NHSL2: variants seen among roughly 807,000 people sequenced by gnomAD.
NHSL2 encodes the protein NHS-like protein 2.
NHSL2 carries 27 observed loss-of-function variants against 53.4 expected under a neutral mutation model. That is an observed-to-expected ratio of 0.51 (90% CI 0.37 to 0.70). The LOEUF (loss-of-function observed/expected upper bound fraction) is 0.70, where lower values mean the gene tolerates loss of function less well. Ranked by LOEUF, NHSL2 falls within the 30% of genes least tolerant of loss-of-function variation. The probability of loss-of-function intolerance (pLI) is 0.00; values close to 1 mark genes in which losing one functional copy is unlikely to be tolerated. For missense variants in NHSL2, 892 were observed against 980.1 expected (o/e 0.91, Z 1.20); for synonymous variants, 408 against 404.1 (o/e 1.01, Z -0.12).
chrX:72,012,076 A>G (rs905826973), intron 1 of NHSL2, among the ~76,000 whole-genome samples: 1 of 111,637 alleles, frequency 9.0e-6, no homozygotes, highest in Non-Finnish European at 1.9e-5. Context: ...GCTTTTTCTC[A>G]TCCTCTTAAC....
At chrX:72,010,559 C>T (rs1214909318) in intron 1 of NHSL2, among the ~76,000 whole-genome samples, 1 of 112,392 alleles carries the variant, frequency 8.9e-6, no homozygotes, top group African/African-American at 3.2e-5. Context: ...TCTGTGCATA[C>T]ACAGTTTGGT....
intron 1 of NHSL2, among the ~76,000 whole-genome samples, chrX:72,020,182 T>C (rs1218064528): frequency 1.8e-5 from 2 of 112,772 alleles, no homozygotes; most frequent in African/African-American, 3.2e-5. Flanking sequence ...ATAAAAACTC[T>C]CCGTAATTTC....
intron 1 of NHSL2, among the ~76,000 whole-genome samples, chrX:72,126,362 T>C (rs1421475634): frequency 1.8e-5 from 2 of 111,260 alleles, no homozygotes; most frequent in Non-Finnish European, 3.8e-5. Flanking sequence ...GCTGCAGGGC[T>C]GTGACAGAGC....
chrX:72,134,360 G>A lies in NHSL2; in HGVS notation c.564+142G>A, dbSNP rs2042336319. 13 of 846,570 alleles carry A rather than the reference G, an allele frequency of 1.5e-5. No individual in the cohort carries two copies. The South Asian group carries it at 3.3e-4, about 22-fold the overall frequency. The allele number at this position is 846,570 out of a possible 1,213,427, so 69.8% of individuals were successfully genotyped here. Reference sequence around the variant, plus strand: ...CTGAGGCCCCACTGGGATAGGCCCTGCACAGCAGGTGCCTGGCCTGGTGGC... The same window carrying A: ...CTGAGGCCCCACTGGGATAGGCCCTACACAGCAGGTGCCTGGCCTGGTGGC... On this transcript the variant is annotated intron_variant, in intron 3 of 7. Transcript: ENST00000633930.
intron 1 of NHSL2, among the ~76,000 whole-genome samples, chrX:72,038,130 C>G (rs182110364): frequency 3.7e-4 from 41 of 111,860 alleles, no homozygotes; most frequent in African/African-American, 1.3e-3. Flanking sequence ...AGTCACTTTG[C>G]TTATCTAGGC....
intron 1 of NHSL2, among the ~76,000 whole-genome samples, chrX:72,006,266 C>T (rs780628770): frequency 8.9e-6 from 1 of 112,302 alleles, no homozygotes. Flanking sequence ...AACTGCTTAG[C>T]CTTGCATTCT....
chrX:72,037,256 A>G (rs754726473), intron 1 of NHSL2, among the ~76,000 whole-genome samples: 1 of 111,135 alleles, frequency 9.0e-6, no homozygotes, highest in Non-Finnish European at 1.9e-5. Context: ...CGTCTCTACT[A>G]AAAATACAAA....
chrX:72,124,700 C>T (rs368843376), intron 1 of NHSL2, among the ~76,000 whole-genome samples: 4 of 111,350 alleles, frequency 3.6e-5, no homozygotes, highest in African/African-American at 1.3e-4. Context: ...CAGTCAAACT[C>T]GGCAAACAGG....
intron 1 of NHSL2, among the ~76,000 whole-genome samples, chrX:71,974,688 A>G (rs1012482258): frequency 8.9e-6 from 1 of 112,225 alleles, no homozygotes; most frequent in Non-Finnish European, 1.9e-5. Flanking sequence ...AAATGCAGAA[A>G]AGCAGATTGT....
chrX:72,055,270 G>A (rs995799656), intron 1 of NHSL2, among the ~76,000 whole-genome samples: 5 of 112,187 alleles, frequency 4.5e-5, no homozygotes, highest in African/African-American at 1.3e-4. Flanking sequence ...CCCAGCAACC[G>A]CCAGGCCGGG....
At chrX:72,019,656 G>A (rs1303006994) in intron 1 of NHSL2, among the ~76,000 whole-genome samples, 1 of 111,943 alleles carries the variant, frequency 8.9e-6, no homozygotes, top group Non-Finnish European at 1.9e-5. Flanking sequence ...CTTGAAGGAA[G>A]GGTTGGGATT....
intron 1 of NHSL2, among the ~76,000 whole-genome samples, chrX:71,924,263 T>C (rs1463357982): frequency 9.0e-6 from 1 of 111,230 alleles, no homozygotes; most frequent in Non-Finnish European, 1.9e-5. Context: ...TCATAGCATT[T>C]TCCTCTCGTG....
intron 1 of NHSL2, among the ~76,000 whole-genome samples, chrX:71,913,798 T>G (rs926458510): frequency 2.2e-5 from 2 of 91,554 alleles, no homozygotes; most frequent in African/African-American, 4.0e-5. Flanking sequence ...GCCTATAGCC[T>G]GCAGGCTGGG....
At chrX:72,080,873 C>G (rs1049367127) in intron 1 of NHSL2, among the ~76,000 whole-genome samples, 1 of 111,812 alleles carries the variant, frequency 8.9e-6, no homozygotes, top group African/African-American at 3.3e-5. Context: ...GCAGTTCAAG[C>G]CAGACCTCCT....
Position 72,057,910 on chromosome X carries a change from A to G in NHSL2, c.281-74169A>G, listed in dbSNP as rs184771743. On this transcript the variant is annotated intron_variant, in intron 1 of 7. Coordinates refer to ENST00000633930, the MANE Select transcript of NHSL2 (RefSeq NM_001013627.3). Reference sequence around the variant, plus strand: ...GGGAAAAGCCACCAATCTTACTGAAAAGTAGCTTAGATAAAGCAGTAAGAA... The same window carrying G: ...GGGAAAAGCCACCAATCTTACTGAAGAGTAGCTTAGATAAAGCAGTAAGAA... 1.4e-3 allele frequency among the ~76,000 whole-genome samples: 160 copies of G among 112,657 alleles called. 1 individual carries two copies. Among genetic ancestry groups the G allele is most frequent in the Middle Eastern group, 4.6e-3 (1 of 218 alleles).
intron 3 of NHSL2, 102 bp from the exon 4 acceptor site, chrX:72,134,407 C>A (rs2042336637): frequency 1.8e-5 from 15 of 856,351 alleles, no homozygotes; most frequent in Middle Eastern, 6.4e-4. Flanking sequence ...TTCCTGCCTC[C>A]CAGACGAAGC....
At chrX:71,945,709 G>A (rs1445159465) in intron 1 of NHSL2, among the ~76,000 whole-genome samples, 3 of 111,809 alleles carry the variant, frequency 2.7e-5, no homozygotes, top group Non-Finnish European at 5.6e-5. Flanking sequence ...AGACAGGAGG[G>A]AAGCAGGATG....
intron 1 of NHSL2, among the ~76,000 whole-genome samples, chrX:71,995,435 A>C (rs1296138819): frequency 1.1e-4 from 3 of 26,421 alleles, no homozygotes; most frequent in African/African-American, 1.4e-4. Context: ...TGCATACTCT[A>C]TCTGACCCCC....
At chrX:72,134,057 C>T (rs2042332745) in intron 2 of NHSL2, 34 bp from the exon 3 acceptor site, 2 of 1,162,190 alleles carry the variant, frequency 1.7e-6, no homozygotes, top group Non-Finnish European at 2.3e-6. Flanking sequence ...CCATGGCACC[C>T]TAGAGTGTGT....
Sources: gnomAD v4.1 joint callset for allele counts (sites outside exome capture counted in the v4.1 genomes callset) on GRCh38, gnomAD v4.1.1 for gene constraint, MANE v1.5 for transcripts, NCBI Gene and HGNC (gene_info 2026-07-23, HGNC 2026-07-21) for gene names.